DGLUCY: variants seen among roughly 807,000 people sequenced by gnomAD.
DGLUCY encodes D-glutamate cyclase, mitochondrial.
In DGLUCY, 58 loss-of-function variants were observed where a neutral mutation model predicts 58.5. That is an observed-to-expected ratio of 0.99 (90% CI 0.80 to 1.23). The LOEUF is 1.23. Among genes scored for constraint, DGLUCY ranks in the 50% most tolerant of loss-of-function variants. The pLI is 0.00. For missense variants in DGLUCY, 779 were observed against 784.7 expected (o/e 0.99, Z 0.09); for synonymous variants, 325 against 314.1 (o/e 1.03, Z -0.37).
chr14:91,167,572 C>T (rs1267225786), intron 4 of DGLUCY, 194 bp downstream of exon 4: 3 of 766,562 alleles, frequency 3.9e-6, no homozygotes, highest in Admixed American at 2.0e-5. Context: ...TATCACCTGG[C>T]GCCTGTCCTG....
At chr14:91,143,721 G>A (rs576049428) in intron 1 of DGLUCY, among the ~76,000 whole-genome samples, 1 of 152,262 alleles carries the variant, frequency 6.6e-6, no homozygotes, top group African/African-American at 2.4e-5. Flanking sequence ...CCAGCCACTG[G>A]TCAGTGTTCA....
At position 91,128,241 on chromosome 14, in the gene DGLUCY, G is replaced by A. The variant is rs541910872; in HGVS notation, c.-82+13958G>A. 3.5e-4 allele frequency among the ~76,000 whole-genome samples: 53 copies of A among 151,128 alleles called. No individual in the cohort carries two copies. The South Asian group carries it at 0.01, about 30-fold the overall frequency. The stretch of plus-strand genomic sequence containing the variant: ...TAATCCCAGCACTTTGGGAGGCTGA[G>A]GCAGGTGGACTGCTTGAGCCGAGGA... On this transcript the variant is annotated intron_variant, in intron 1 of 13. Coordinates refer to ENST00000256324, the MANE Select transcript of DGLUCY (RefSeq NM_001102368.3).
intron 1 of DGLUCY, among the ~76,000 whole-genome samples, chr14:91,097,869 C>T (rs2044423289): frequency 6.6e-6 from 1 of 152,184 alleles, no homozygotes; most frequent in Non-Finnish European, 1.5e-5. Flanking sequence ...ATGTTAATTA[C>T]TCATTTGACT....
chr14:91,203,424 G>A (rs1185405932), intron 11 of DGLUCY, among the ~76,000 whole-genome samples: 1 of 152,214 alleles, frequency 6.6e-6, no homozygotes, highest in Non-Finnish European at 1.5e-5. Flanking sequence ...CTTTATAGAA[G>A]CAGACACAAA....
chr14:91,199,195 A>ACC (rs1306306792), intron 10 of DGLUCY, among the ~76,000 whole-genome samples: 2 of 151,492 alleles, frequency 1.3e-5, no homozygotes, highest in Non-Finnish European at 2.9e-5. Context: ...AGCAACCCTG[A>ACC]CCATTGGCCT....
intron 13 of DGLUCY, among the ~76,000 whole-genome samples, chr14:91,220,932 G>A (rs1357853177): frequency 2.0e-5 from 3 of 152,228 alleles, no homozygotes; most frequent in Non-Finnish European, 4.4e-5. Context: ...AAGAGGCTAA[G>A]GAAACGTGGG....
intron 3 of DGLUCY, among the ~76,000 whole-genome samples, chr14:91,161,294 T>C (rs1157136893): frequency 3.3e-5 from 5 of 152,186 alleles, no homozygotes; most frequent in African/African-American, 1.2e-4. Context: ...ATGGTCTCCA[T>C]CTCCTGACCT....
chr14:91,199,112 C>T (rs1356778833), intron 10 of DGLUCY, among the ~76,000 whole-genome samples: 1 of 152,196 alleles, frequency 6.6e-6, no homozygotes, highest in Non-Finnish European at 1.5e-5. Context: ...CCAATACTCT[C>T]AGCCTCTTGG....
intron 11 of DGLUCY, among the ~76,000 whole-genome samples, chr14:91,201,983 A>T (rs930961124): frequency 6.6e-6 from 1 of 151,770 alleles, no homozygotes; most frequent in African/African-American, 2.4e-5. Context: ...TGAACCCAGG[A>T]GGTGGAAGTT....
chr14:91,189,795 GC>G (rs2049756052), intron 9 of DGLUCY: 1 of 154,122 alleles, frequency 6.5e-6, no homozygotes, highest in African/African-American at 2.4e-5. Flanking sequence ...CCCTCAAAAT[GC>G]ATTCTTCAGA....
chr14:91,061,604 C>A (rs1006754105), intron 1 of DGLUCY, among the ~76,000 whole-genome samples: 3 of 152,126 alleles, frequency 2.0e-5, no homozygotes, highest in Admixed American at 6.5e-5. Flanking sequence ...TTTGAGATAA[C>A]CAACGTAAAG....
chr14:91,131,647 G>T (rs950226500), intron 1 of DGLUCY, among the ~76,000 whole-genome samples: 1 of 151,764 alleles, frequency 6.6e-6, no homozygotes, highest in African/African-American at 2.4e-5. Context: ...CCCGGTGTGT[G>T]ATGTTCCCCT....
upstream of DGLUCY, among the ~76,000 whole-genome samples, chr14:91,107,220 C>G (rs184683398): frequency 1.4e-4 from 22 of 152,226 alleles, no homozygotes; most frequent in East Asian, 4.2e-3. Context: ...TTCACACTAA[C>G]TAAAAACCCT....
chr14:91,130,990 C>T (rs2045995618), intron 1 of DGLUCY, among the ~76,000 whole-genome samples: 1 of 151,834 alleles, frequency 6.6e-6, no homozygotes, highest in South Asian at 2.1e-4. Flanking sequence ...CTTTGTTGCT[C>T]AGGCTGGAGT....
intron 6 of DGLUCY, among the ~76,000 whole-genome samples, chr14:91,175,133 C>G (rs2048787724): frequency 6.6e-6 from 1 of 152,140 alleles, no homozygotes; most frequent in East Asian, 1.9e-4. Flanking sequence ...AACGTCTAAT[C>G]TGGGCTGCTA....
intron 1 of DGLUCY, among the ~76,000 whole-genome samples, chr14:91,089,667 A>G (rs1385059210): frequency 6.6e-6 from 1 of 152,054 alleles, no homozygotes; most frequent in Non-Finnish European, 1.5e-5. Context: ...CTAAAAATAC[A>G]AAAATTAACC....
intron 12 of DGLUCY, among the ~76,000 whole-genome samples, chr14:91,213,434 CA>C (rs1342707750): frequency 3.6e-4 from 51 of 140,006 alleles, no homozygotes; most frequent in Admixed American, 4.3e-4. Context: ...GACTTGCTCT[CA>C]AAAAAAAAAA....
chr14:91,142,611 C>A (rs1312094828), intron 1 of DGLUCY, among the ~76,000 whole-genome samples: 1 of 152,038 alleles, frequency 6.6e-6, no homozygotes, highest in Non-Finnish European at 1.5e-5. Flanking sequence ...ATAACATTGC[C>A]CTTTGCTGAC....
chr14:91,185,272 T>C (rs557824037), intron 8 of DGLUCY, among the ~76,000 whole-genome samples: 1 of 17,192 alleles, frequency 5.8e-5, no homozygotes, highest in Non-Finnish European at 1.6e-4. Flanking sequence ...CCCAGCCGGA[T>C]TTTTTTTTTT....
Sources: allele counts gnomAD v4.1 joint callset (sites outside exome capture counted in the v4.1 genomes callset), GRCh38; gene constraint gnomAD v4.1.1; transcripts MANE v1.5; gene names NCBI Gene and HGNC (gene_info 2026-07-23, HGNC 2026-07-21).